CEMIP: variants seen among roughly 807,000 people sequenced by gnomAD.
CEMIP encodes the protein cell migration-inducing and hyaluronan-binding protein.
Under a neutral mutation model 156.9 loss-of-function variants are expected in CEMIP, and 105 were observed. The observed-to-expected ratio is 0.67, with a 90% confidence interval of 0.57 to 0.79. The LOEUF (loss-of-function observed/expected upper bound fraction) is 0.79, where lower values mean the gene tolerates loss of function less well. Ranked by LOEUF, CEMIP falls within the 30% of genes least tolerant of loss-of-function variation. The pLI is 0.00. For synonymous variants in CEMIP, 676 were observed against 668.4 expected (o/e 1.01, Z -0.17); for missense variants, 1,457 against 1,769.4 (o/e 0.82, Z 3.17).
At chr15:80,862,843 A>T (rs1245014780) in intron 1 of CEMIP, among the ~76,000 whole-genome samples, 3 of 152,240 alleles carry the variant, frequency 2.0e-5, no homozygotes, top group Non-Finnish European at 2.9e-5. Flanking sequence ...TGGAGGAATC[A>T]TGCAAGAGGC....
intron 7 of CEMIP, 76 bp downstream of exon 7, chr15:80,884,430 C>A: frequency 6.9e-7 from 1 of 1,439,572 alleles, no homozygotes; most frequent in Non-Finnish European, 9.8e-7. Flanking sequence ...ATTTACCTTT[C>A]CCATCTCCTC....
chr15:80,942,000 G>A lies in CEMIP; in HGVS notation c.3559G>A (p.Glu1187Lys), dbSNP rs764030964. Residue 1187 changes from glutamate (E) to lysine (K), a missense_variant, in exon 26 of 30, where the codon GAG becomes AAG. Glu to Lys is a moderately conservative substitution (Grantham distance 56). Around this residue, in one of 5 missense-constraint regions of CEMIP, gnomAD observed 798 missense variants for 980.1 expected, o/e 0.81. Coordinates refer to ENST00000394685, the MANE Select transcript of CEMIP (RefSeq NM_001293298.2). ...AGCCACAGCTTACCCCAAGTTCACC[G>A]AGAGGGCTGTCGTAGACGTGCCGAT... ...CTATAYPKFT[E>K]RAVVDVPMPK... is the part of the protein sequence containing the mutation. 1.4e-5 allele frequency: 22 copies of A among 1,613,844 alleles called. No individual in the cohort carries two copies. Among genetic ancestry groups the A allele is most frequent in the Non-Finnish European group, 1.8e-5 (21 of 1,180,004 alleles).
At chr15:80,901,440 G>C (rs532655535) in intron 12 of CEMIP, among the ~76,000 whole-genome samples, 1 of 152,224 alleles carries the variant, frequency 6.6e-6, no homozygotes, top group African/African-American at 2.4e-5. Flanking sequence ...GGTGGCTTAC[G>C]CTTGTAATCC....
At chr15:80,784,233 C>A (rs1895869290) in intron 1 of CEMIP, among the ~76,000 whole-genome samples, 1 of 152,222 alleles carries the variant, frequency 6.6e-6, no homozygotes, top group South Asian at 2.1e-4. Flanking sequence ...CTGTGAATTT[C>A]TTTCTCTCCT....
At chr15:80,924,088 C>T (rs1215687980) in intron 17 of CEMIP, among the ~76,000 whole-genome samples, 2 of 152,180 alleles carry the variant, frequency 1.3e-5, no homozygotes, top group Non-Finnish European at 2.9e-5. Flanking sequence ...CTTGATTTCT[C>T]CCTATCCCAT....
At chr15:80,811,437 C>T (rs1314657052) in intron 1 of CEMIP, among the ~76,000 whole-genome samples, 2 of 152,244 alleles carry the variant, frequency 1.3e-5, no homozygotes, top group Non-Finnish European at 2.9e-5. Flanking sequence ...ATTTTGCTCT[C>T]TTCTGGACAT....
chr15:80,925,269 C>T (rs1273141625), intron 18 of CEMIP, among the ~76,000 whole-genome samples: 2 of 152,196 alleles, frequency 1.3e-5, no homozygotes. Context: ...TCAAGGTGAC[C>T]TGCCAGTTAG....
intron 1 of CEMIP, among the ~76,000 whole-genome samples, chr15:80,850,409 C>T (rs765508290): frequency 1.3e-5 from 2 of 152,066 alleles, no homozygotes; most frequent in East Asian, 1.9e-4. Context: ...CCCAAGTAGC[C>T]GGGATTACAA....
intron 1 of CEMIP, among the ~76,000 whole-genome samples, chr15:80,788,120 G>A (rs1020579337): frequency 1.4e-4 from 22 of 152,092 alleles, no homozygotes; most frequent in African/African-American, 4.6e-4. Flanking sequence ...AAGAACAGTA[G>A]GAATGAGCCC....
intron 1 of CEMIP, among the ~76,000 whole-genome samples, chr15:80,805,020 G>T (rs142555898): frequency 1.3e-5 from 2 of 152,272 alleles, no homozygotes; most frequent in East Asian, 1.9e-4. Context: ...GGAACTGCAC[G>T]TTTTCCCCTT....
intron 14 of CEMIP, among the ~76,000 whole-genome samples, chr15:80,915,899 G>A (rs144735767): frequency 2.0e-5 from 3 of 152,236 alleles, no homozygotes; most frequent in East Asian, 3.9e-4. Flanking sequence ...CTTCTTTTCA[G>A]CAGTTCAAAA....
intron 1 of CEMIP, among the ~76,000 whole-genome samples, chr15:80,788,488 AAAAAAGAAAAAAG>A: frequency 6.6e-6 from 1 of 150,988 alleles, no homozygotes; most frequent in African/African-American, 2.4e-5. Flanking sequence ...AAAAAAAAAG[AAAAAAGAAAAAAG>A]AAAAAGAAAA....
intron 1 of CEMIP, among the ~76,000 whole-genome samples, chr15:80,824,543 T>C (rs1896986366): frequency 6.6e-6 from 1 of 152,160 alleles, no homozygotes; most frequent in African/African-American, 2.4e-5. Context: ...TCTTGCCCCA[T>C]GAGCACTTGG....
intron 1 of CEMIP, among the ~76,000 whole-genome samples, chr15:80,838,015 G>T (rs1366199960): frequency 2.0e-5 from 3 of 152,160 alleles, no homozygotes; most frequent in African/African-American, 7.2e-5. Context: ...TGCCCCTCTG[G>T]CTGTCCCAGG....
chr15:80,785,245 A>G (rs1895900738), intron 1 of CEMIP, among the ~76,000 whole-genome samples: 2 of 152,222 alleles, frequency 1.3e-5, no homozygotes, highest in Admixed American at 1.3e-4. Context: ...CTGAGAATGG[A>G]TGTTTACATT....
chr15:80,842,194 A>T, intron 1 of CEMIP: 1 of 406,668 alleles, frequency 2.5e-6, no homozygotes, highest in Non-Finnish European at 4.9e-6. Flanking sequence ...TCTTTTACCT[A>T]TTCTCTTTTA....
chr15:80,943,923 C>T (rs976911421), intron 28 of CEMIP, among the ~76,000 whole-genome samples: 34 of 152,108 alleles, frequency 2.2e-4, no homozygotes, highest in Admixed American at 6.5e-5. Context: ...TTGGTAATTC[C>T]CCAGTACCTT....
chr15:80,834,998 G>C (rs1466217472), intron 1 of CEMIP, among the ~76,000 whole-genome samples: 1 of 152,034 alleles, frequency 6.6e-6, no homozygotes, highest in Non-Finnish European at 1.5e-5. Flanking sequence ...TTACTCAAGT[G>C]TTGTTATTTT....
chr15:80,933,810 T>G (rs980214027), intron 23 of CEMIP, among the ~76,000 whole-genome samples: 13 of 152,192 alleles, frequency 8.5e-5, no homozygotes, highest in African/African-American at 3.1e-4. Context: ...CTAGCGAGAT[T>G]TTGGGGGTGG....
Sources: gnomAD v4.1 joint callset for allele counts (sites outside exome capture counted in the v4.1 genomes callset) on GRCh38, gnomAD v4.1.1 for gene constraint, gnomAD v4.1.1 regional missense constraint, MANE v1.5 for transcripts, NCBI Gene and HGNC (gene_info 2026-07-23, HGNC 2026-07-21) for gene names.